The following DOCK1 variants were observed in gnomAD, a reference collection of about 807,000 sequenced individuals.
DOCK1 encodes dedicator of cytokinesis 1.
DOCK1 carries 138 observed loss-of-function variants against 262.7 expected under a neutral mutation model. The ratio of observed to expected loss-of-function variants is 0.53; its 90% CI spans 0.46 to 0.61. The LOEUF is 0.61. Ranked by LOEUF, DOCK1 falls within the 20% of genes least tolerant of loss-of-function variation. The probability of loss-of-function intolerance (pLI) is 0.00; values close to 1 mark genes in which losing one functional copy is unlikely to be tolerated. For missense variants in DOCK1, 1,908 were observed against 2,370.7 expected (o/e 0.80, Z 4.05); for synonymous variants, 866 against 867.4 (o/e 1.00, Z 0.03).
At chr10:127,376,243 G>C (rs2065481940) in intron 35 of DOCK1, among the ~76,000 whole-genome samples, 1 of 152,196 alleles carries the variant, frequency 6.6e-6, no homozygotes, top group Admixed American at 6.5e-5. Context: ...AAATCATCAA[G>C]AAGAAATTCT....
chr10:126,984,371 G>A (rs371671680), intron 4 of DOCK1, among the ~76,000 whole-genome samples: 34 of 152,246 alleles, frequency 2.2e-4, no homozygotes, highest in African/African-American at 8.2e-4. Context: ...TTTATGAGAT[G>A]GAGTCTTGCT....
At chr10:127,143,949 T>A (rs2051531410) in intron 27 of DOCK1, among the ~76,000 whole-genome samples, 1 of 152,154 alleles carries the variant, frequency 6.6e-6, no homozygotes, top group South Asian at 2.1e-4. Flanking sequence ...CCTTCCAGAC[T>A]CAGCCTGCAG....
intron 8 of DOCK1, 48 bp downstream of exon 8, chr10:126,998,297 G>A: frequency 6.2e-7 from 1 of 1,609,676 alleles, no homozygotes; most frequent in South Asian, 1.1e-5. Context: ...GTTAGTGTTA[G>A]GAACTTGGGA....
At chr10:127,445,560 A>G (rs1400070299) in intron 50 of DOCK1, among the ~76,000 whole-genome samples, 1 of 152,216 alleles carries the variant, frequency 6.6e-6, no homozygotes, top group African/African-American at 2.4e-5. Context: ...AATATTGAAA[A>G]CAGACACCAT....
chr10:127,154,199 G>T (rs1355537180), intron 27 of DOCK1, among the ~76,000 whole-genome samples: 1 of 152,250 alleles, frequency 6.6e-6, no homozygotes, highest in African/African-American at 2.4e-5. Flanking sequence ...CACAGGGAAT[G>T]TGGGATGTTT....
chr10:127,257,348 A>C lies in DOCK1; in HGVS notation c.2963A>C (p.Glu988Ala). 2 of 1,598,112 alleles carry C rather than the reference A, an allele frequency of 1.3e-6. No individual in the cohort carries two copies. The highest frequency in any genetic ancestry group is 1.7e-6 in the Non-Finnish European group (2 of 1,170,812). Residue 988 changes from glutamate to alanine, a missense_variant, in exon 29 of 52, where the codon GAA (glutamate) becomes GCA (alanine). Physicochemically the swap from Glu to Ala is moderately radical, Grantham distance 107 (BLOSUM62 -1). Transcript: ENST00000623213. The stretch of plus-strand genomic sequence containing the variant: ...TTTTTATTTCAGGATTTCCTAATGG[A>C]AACATTCATCATGTTTAAGAACCTC... ...MRTDVVDFLM[E>A]TFIMFKNLIG...
At chr10:127,417,807 C>T (rs1195917076) in intron 44 of DOCK1, among the ~76,000 whole-genome samples, 1 of 152,086 alleles carries the variant, frequency 6.6e-6, no homozygotes, top group East Asian at 1.9e-4. Context: ...AACTCCTGAC[C>T]TCAGGTGACC....
At chr10:127,439,593 C>A (rs1260751474) in intron 49 of DOCK1, among the ~76,000 whole-genome samples, 1 of 152,236 alleles carries the variant, frequency 6.6e-6, no homozygotes, top group Non-Finnish European at 1.5e-5. Context: ...CCGCTAATGC[C>A]TTCCCCTTGC....
In DOCK1 at chr10:126,918,654, G is replaced by C. The variant is rs537606424; in HGVS notation, c.46+13091G>C. ...ATCACTGGTATTTTAATAAGTTCTA[G>C]AATTTCCCCCATTGACATTGCCAGG... On this transcript the variant is annotated intron_variant, in intron 1 of 51. Coordinates refer to ENST00000623213, the MANE Select transcript of DOCK1 (RefSeq NM_001290223.2). Among the ~76,000 whole-genome samples, 638 of 152,266 alleles carry C rather than the reference G, an allele frequency of 4.2e-3. 3 individuals carry two copies. Among genetic ancestry groups the C allele is most frequent in the African/African-American group, 0.013 (524 of 41,544 alleles).
At chr10:127,337,771 T>C (rs1236288862) in intron 29 of DOCK1, among the ~76,000 whole-genome samples, 1 of 152,258 alleles carries the variant, frequency 6.6e-6, no homozygotes, top group African/African-American at 2.4e-5. Context: ...CACAGGCCCT[T>C]TGTCACAGCT....
chr10:127,304,280 T>C (rs2720990), intron 29 of DOCK1, among the ~76,000 whole-genome samples: 20,017 of 152,218 alleles, frequency 0.13, 1,778 homozygotes, highest in African/African-American at 0.25. Flanking sequence ...AGTGTTACCC[T>C]AGCCGCTTGT....
At chr10:126,977,887 G>A in intron 2 of DOCK1, 61 bp from the exon 3 acceptor site, 1 of 1,511,110 alleles carries the variant, frequency 6.6e-7, no homozygotes, top group South Asian at 1.1e-5. Context: ...CATCATGAAT[G>A]TATTGTGAGG....
chr10:127,240,773 CAT>C (rs2059237616), intron 27 of DOCK1, among the ~76,000 whole-genome samples: 2 of 152,084 alleles, frequency 1.3e-5, no homozygotes, highest in Admixed American at 1.3e-4. Context: ...TATGAAAACA[CAT>C]GTGTGAGAAA....
At position 127,257,343 on chromosome 10, in the gene DOCK1, A is replaced by C; in HGVS notation, c.2958A>C (p.Leu986=). ...TTGTTTTTTTATTTCAGGATTTCCT[A>C]ATGGAAACATTCATCATGTTTAAGA... ...GKMRTDVVDF[L]METFIMFKNL... is the part of the protein sequence containing the mutation. Residue 986 remains leucine, a synonymous_variant, in exon 29 of 52, where the codon CTA becomes CTC. Transcript: ENST00000623213. 6.3e-7 allele frequency: 1 copy of C among 1,594,826 alleles called. No homozygotes were observed. The highest frequency in any genetic ancestry group is 1.1e-5 in the South Asian group (1 of 87,890).
At chr10:127,059,400 A>G (rs2045386792) in intron 22 of DOCK1, among the ~76,000 whole-genome samples, 1 of 152,094 alleles carries the variant, frequency 6.6e-6, no homozygotes, top group Non-Finnish European at 1.5e-5. Flanking sequence ...TTGTCTCATT[A>G]TCTTCCTCCT....
chr10:126,997,161 C>T (rs1193422989), intron 7 of DOCK1, among the ~76,000 whole-genome samples: 8 of 152,106 alleles, frequency 5.3e-5, no homozygotes. Context: ...AGACACAAGA[C>T]TTGATTCTGC....
chr10:127,037,679 T>G (rs192430743), intron 18 of DOCK1, 40 bp from the exon 19 acceptor site: 18,511 of 1,519,038 alleles, frequency 0.012, 152 homozygotes, highest in Non-Finnish European at 0.014. Flanking sequence ...GAACAGAGTT[T>G]CTTGCTTGTG....
intron 29 of DOCK1, among the ~76,000 whole-genome samples, chr10:127,263,724 TCGG>T (rs1388295887): frequency 7.6e-6 from 1 of 131,274 alleles, no homozygotes; most frequent in East Asian, 2.3e-4. Flanking sequence ...GCTGACTTGC[TCGG>T]ATTCACGCTT....
At chr10:126,978,269 CTG>C (rs906751514) in intron 3 of DOCK1, among the ~76,000 whole-genome samples, 2 of 152,068 alleles carry the variant, frequency 1.3e-5, no homozygotes, top group African/African-American at 4.8e-5. Context: ...CTTTTTAGGT[CTG>C]TGTGTGTCAG....
Sources: gnomAD v4.1 joint callset for allele counts (sites outside exome capture counted in the v4.1 genomes callset) on GRCh38, gnomAD v4.1.1 for gene constraint, MANE v1.5 for transcripts, NCBI Gene and HGNC (gene_info 2026-07-23, HGNC 2026-07-21) for gene names.